GSE1: variants seen among roughly 807,000 people sequenced by gnomAD.
The protein encoded by GSE1 is Gse1 coiled-coil protein, also known as genetic suppressor element 1.
Under a neutral mutation model 112.6 loss-of-function variants are expected in GSE1, and 32 were observed. The observed-to-expected ratio is 0.28, with a 90% CI of 0.21 to 0.38. The LOEUF (loss-of-function observed/expected upper bound fraction) is 0.38. Ranked by LOEUF, GSE1 falls within the 10% of genes least tolerant of loss-of-function variation. The pLI is 1.00. For synonymous variants in GSE1, 1,115 were observed against 735.6 expected, an observed-to-expected ratio of 1.52 and a Z score of -8.35; for missense variants, 2,348 against 1,699.2, an observed-to-expected ratio of 1.38 and a Z score of -6.71.
intron 2 of GSE1, among the ~76,000 whole-genome samples, chr16:85,457,753 T>A (rs1366267920): frequency 2.0e-5 from 3 of 152,342 alleles, no homozygotes; most frequent in Non-Finnish European, 4.4e-5. Context: ...AGTGGCAGGC[T>A]GTAGGGGTGG....
intron 1 of GSE1, chr16:85,594,388 T>A (rs528971740): frequency 4.6e-5 from 7 of 152,124 alleles, no homozygotes; most frequent in African/African-American, 1.7e-4. Flanking sequence ...TCCAGGGGAA[T>A]TGTGGCTCCC....
chr16:85,332,087 G>C (rs1286462322), intron 1 of GSE1, among the ~76,000 whole-genome samples: 1 of 152,148 alleles, frequency 6.6e-6, no homozygotes, highest in East Asian at 1.9e-4. Flanking sequence ...ACTGCCCCAG[G>C]TCTGAAGTGG....
At chr16:85,296,716 T>C (rs2045377164) in intron 1 of GSE1, among the ~76,000 whole-genome samples, 1 of 152,010 alleles carries the variant, frequency 6.6e-6, no homozygotes, top group African/African-American at 2.4e-5. Flanking sequence ...TAACGCTGAC[T>C]GTGCACCGAT....
intron 2 of GSE1, among the ~76,000 whole-genome samples, chr16:85,507,783 G>C (rs1283687603): frequency 6.6e-6 from 1 of 152,204 alleles, no homozygotes; most frequent in African/African-American, 2.4e-5. Flanking sequence ...AGGCCCGGGG[G>C]CTGGGATGTC....
intron 1 of GSE1, among the ~76,000 whole-genome samples, chr16:85,575,206 C>T (rs2046178469): frequency 6.6e-6 from 1 of 152,200 alleles, no homozygotes; most frequent in African/African-American, 2.4e-5. Context: ...AGCATATGTC[C>T]ACAGGGCCAG....
chr16:85,615,651 T>C (rs1400682190), intron 1 of GSE1, among the ~76,000 whole-genome samples: 1 of 152,078 alleles, frequency 6.6e-6, no homozygotes, highest in Non-Finnish European at 1.5e-5. Context: ...GAGGCTGAGC[T>C]CAAAACAAGG....
chr16:85,421,365 C>T (rs913610900), intron 2 of GSE1, among the ~76,000 whole-genome samples: 1 of 152,118 alleles, frequency 6.6e-6, no homozygotes. Flanking sequence ...TCCACACCCT[C>T]TGGACACTCA....
intron 8 of GSE1, among the ~76,000 whole-genome samples, chr16:85,660,872 C>T (rs911203543): frequency 6.6e-6 from 1 of 152,060 alleles, no homozygotes; most frequent in Non-Finnish European, 1.5e-5. Context: ...CCTTGTGATC[C>T]ACCCTCCTCG....
intron 1 of GSE1, among the ~76,000 whole-genome samples, chr16:85,622,001 C>G (rs2048772025): frequency 6.6e-6 from 1 of 152,210 alleles, no homozygotes; most frequent in African/African-American, 2.4e-5. Context: ...AGGTCTGCAC[C>G]TGACTGGGAA....
chr16:85,243,075 A>G (rs757853133), intron 1 of GSE1, among the ~76,000 whole-genome samples: 1 of 152,210 alleles, frequency 6.6e-6, no homozygotes, highest in Non-Finnish European at 1.5e-5. Flanking sequence ...GGCTTCCCAA[A>G]GTGCTGGGAT....
chr16:85,670,032 G>A (rs2053202177), intron 14 of GSE1, among the ~76,000 whole-genome samples: 2 of 152,224 alleles, frequency 1.3e-5, no homozygotes, highest in South Asian at 4.1e-4. Flanking sequence ...TAGATTTTCA[G>A]TTGCATTGAA....
At chr16:85,386,023 C>T (rs114028732) in intron 2 of GSE1, among the ~76,000 whole-genome samples, 277 of 152,314 alleles carry the variant, frequency 1.8e-3, no homozygotes, top group African/African-American at 5.9e-3. Flanking sequence ...CATCACTCTG[C>T]GGGGCTGTCT....
chr16:85,407,932 C>T (rs1384157189), intron 2 of GSE1, among the ~76,000 whole-genome samples: 8 of 43,022 alleles, frequency 1.9e-4, no homozygotes, highest in South Asian at 1.0e-3. Context: ...TACTCTCAGG[C>T]CCCCCTGGAT....
intron 2 of GSE1, among the ~76,000 whole-genome samples, chr16:85,536,392 G>A (rs1205947840): frequency 6.6e-6 from 1 of 152,226 alleles, no homozygotes; most frequent in East Asian, 1.9e-4. Flanking sequence ...CCAGGAGGCA[G>A]GACGGTCGGC....
intron 2 of GSE1, among the ~76,000 whole-genome samples, chr16:85,549,109 C>A (rs568981715): frequency 1.3e-5 from 2 of 152,010 alleles, no homozygotes; most frequent in East Asian, 3.9e-4. Context: ...ATTGCATCTT[C>A]ACAGATTCTT....
Position 85,518,691 on chromosome 16 carries a change from G to A in GSE1, c.2465-115223G>A, listed in dbSNP as rs1216682920. Among the ~76,000 whole-genome samples the A allele has an allele frequency of 2.0e-5, 3 of 152,082 alleles. No homozygotes were observed. In the East Asian group the frequency reaches 5.8e-4, roughly 29 times the overall value. Reference sequence around the variant, plus strand: ...AGTCTATAAAGCCAGAATGTGGTGTGCGGATGGCCTTGTTTTAAATCACCC... The same window carrying A: ...AGTCTATAAAGCCAGAATGTGGTGTACGGATGGCCTTGTTTTAAATCACCC... On this transcript the variant is annotated intron_variant, in intron 2 of 2. Transcript: ENST00000637419.
At chr16:85,600,402 G>A (rs947456939) in intron 1 of GSE1, among the ~76,000 whole-genome samples, 1 of 151,914 alleles carries the variant, frequency 6.6e-6, no homozygotes, top group African/African-American at 2.4e-5. Context: ...GCCTGATGGG[G>A]AAGGCCAGGC....
chr16:85,652,659 A>G (rs958783666), intron 3 of GSE1, among the ~76,000 whole-genome samples: 17 of 152,234 alleles, frequency 1.1e-4, no homozygotes, highest in Non-Finnish European at 2.2e-4. Context: ...CGCGGGTGCC[A>G]TGTGCTGCTG....
rs145113575 is a variant in GSE1, at chr16:85,653,119, C to T, written c.427-1159C>T. Among the ~76,000 whole-genome samples the T allele has an allele frequency of 3.8e-3, 559 of 145,714 alleles. 5 individuals carry two copies. Among genetic ancestry groups the T allele is most frequent in the African/African-American group, 0.013 (522 of 39,384 alleles). ...AACGGCTGCCCCAGTGACAGAGTGA[C>T]GCCTGGGTTGGCAGCCATCCAGAGT... On this transcript the variant is annotated intron_variant, in intron 3 of 15. Coordinates refer to ENST00000253458, the MANE Select transcript of GSE1 (RefSeq NM_014615.5).
Sources: allele counts gnomAD v4.1 joint callset (sites outside exome capture counted in the v4.1 genomes callset), GRCh38; gene constraint gnomAD v4.1.1; transcripts MANE v1.5; gene names NCBI Gene and HGNC (gene_info 2026-07-23, HGNC 2026-07-21).